Variants in BCL2 observed in about 807,000 individuals in gnomAD.
The protein encoded by BCL2 is apoptosis regulator Bcl-2.
BCL2 carries 1 observed loss-of-function variant against 14.2 expected under a neutral mutation model. That is an observed-to-expected ratio of 0.07 (90% CI 0.02 to 0.33). The LOEUF (loss-of-function observed/expected upper bound fraction) is 0.33. BCL2 is among the 10% of genes least tolerant of loss of function. The pLI is 0.99. For synonymous variants in BCL2, 151 were observed against 137.2 expected, an observed-to-expected ratio of 1.10 and a Z score of -0.70; for missense variants, 247 against 305.9, an observed-to-expected ratio of 0.81 and a Z score of 1.44.
chr18:63,247,167 C>A (rs191606048), intron 2 of BCL2, among the ~76,000 whole-genome samples: 5 of 151,434 alleles, frequency 3.3e-5, no homozygotes, highest in Non-Finnish European at 5.9e-5. Context: ...CACATACACA[C>A]GCACATTTTC....
intron 2 of BCL2, among the ~76,000 whole-genome samples, chr18:63,216,932 C>T (rs117328707): frequency 0.022 from 3,343 of 152,288 alleles, 112 homozygotes; most frequent in Admixed American, 0.089. Context: ...ATTCTGAGAA[C>T]TGCCTTTTGT....
chr18:63,302,449 C>A, intron 2 of BCL2: 1 of 985,338 alleles, frequency 1.0e-6, no homozygotes, highest in Non-Finnish European at 1.2e-6. Flanking sequence ...TGTCCCTCTG[C>A]CCGAATAATA....
intron 2 of BCL2, among the ~76,000 whole-genome samples, chr18:63,194,338 C>CTT (rs147419261): frequency 6.9e-4 from 99 of 143,992 alleles, no homozygotes; most frequent in Admixed American, 1.9e-3. Context: ...AAACTTTTTT[C>CTT]TTTTTTTTTT....
At chr18:63,280,825 C>T (rs1912289447) in intron 2 of BCL2, among the ~76,000 whole-genome samples, 1 of 152,164 alleles carries the variant, frequency 6.6e-6, no homozygotes, top group Admixed American at 6.5e-5. Flanking sequence ...AGAAATGCCA[C>T]TTCTGGAAGT....
In BCL2 at chr18:63,194,329, A is replaced by C. The variant is rs1451570471; in HGVS notation, c.586-65570T>G. Among the ~76,000 whole-genome samples, 4 of 140,034 alleles carry C rather than the reference A, an allele frequency of 2.9e-5. No homozygotes were observed. The South Asian group carries it at 6.9e-4, about 24-fold the overall frequency. The allele number at this position is 140,034 out of a possible 152,430, so 91.9% of individuals were successfully genotyped here. ...TTTTAATGGAAGAGATACATTTTTA[A>C]ACTTTTTTCTTTTTTTTTTTTTGAG... On this transcript the variant is annotated intron_variant, in intron 2 of 2. Transcript: ENST00000333681.
At chr18:63,201,956 AC>A (rs1909707952) in intron 2 of BCL2, among the ~76,000 whole-genome samples, 1 of 152,116 alleles carries the variant, frequency 6.6e-6, no homozygotes, top group African/African-American at 2.4e-5. Flanking sequence ...CTGCACATGT[AC>A]CCCAGAAATT....
At chr18:63,165,592 G>A (rs1193382265) in intron 2 of BCL2, among the ~76,000 whole-genome samples, 1 of 152,212 alleles carries the variant, frequency 6.6e-6, no homozygotes, top group African/African-American at 2.4e-5. Flanking sequence ...ACCTCTCTCA[G>A]GCTAAATGGC....
chr18:63,249,665 G>C (rs917411704), intron 2 of BCL2, among the ~76,000 whole-genome samples: 1 of 132,790 alleles, frequency 7.5e-6, no homozygotes, highest in African/African-American at 2.9e-5. Context: ...AGCTGAGATT[G>C]CACCACTGCA....
intron 2 of BCL2, among the ~76,000 whole-genome samples, chr18:63,193,660 A>G (rs947827083): frequency 6.6e-6 from 1 of 151,682 alleles, no homozygotes; most frequent in Admixed American, 6.6e-5. Context: ...ATACACATAC[A>G]TATATATACA....
At chr18:63,300,087 A>T (rs1290315793) in intron 2 of BCL2, among the ~76,000 whole-genome samples, 1 of 152,250 alleles carries the variant, frequency 6.6e-6, no homozygotes, top group African/African-American at 2.4e-5. Flanking sequence ...GAGGCTGCAA[A>T]GCAGCTCCTC....
intron 2 of BCL2, among the ~76,000 whole-genome samples, chr18:63,240,682 C>T (rs900728935): frequency 6.6e-6 from 1 of 152,218 alleles, no homozygotes. Flanking sequence ...TTTCCCAATT[C>T]CCTGCCTTTG....
intron 2 of BCL2, among the ~76,000 whole-genome samples, chr18:63,137,580 C>T (rs1914241238): frequency 6.6e-6 from 1 of 152,004 alleles, no homozygotes. Flanking sequence ...TCAGCAGCAG[C>T]CTCTAGTGTC....
rs1913828936 is a variant in BCL2 at position 63,123,515 on chromosome 18, T to A, written c.*5110A>T. On this transcript the variant is annotated 3_prime_UTR_variant, in exon 3 of 3. Coordinates refer to ENST00000333681, the MANE Select transcript of BCL2 (RefSeq NM_000633.3). The stretch of plus-strand genomic sequence containing the variant: ...AACCATGTAAAGTATCCTTACCGTA[T>A]TTTTTATGTGTACAGTGTTGCAGAA... 1 of 207,070 alleles carries A rather than the reference T, an allele frequency of 4.8e-6. No individual in the cohort carries two copies. The highest frequency in any genetic ancestry group is 9.9e-6 in the Non-Finnish European group (1 of 101,508). 12.8% of individuals were successfully genotyped at this position (207,070 alleles called of 1,614,324 possible).
At chr18:63,289,192 G>C (rs1912564482) in intron 2 of BCL2, among the ~76,000 whole-genome samples, 1 of 151,928 alleles carries the variant, frequency 6.6e-6, no homozygotes, top group Admixed American at 6.6e-5. Flanking sequence ...TAACCTGGAA[G>C]AGGAAGAAGG....
At chr18:63,246,131 G>A (rs1911145635) in intron 2 of BCL2, among the ~76,000 whole-genome samples, 1 of 152,228 alleles carries the variant, frequency 6.6e-6, no homozygotes, top group Non-Finnish European at 1.5e-5. Flanking sequence ...TCTTTCAGCT[G>A]TTTTGTGGAT....
At chr18:63,301,321 T>C (rs1385279463) in intron 2 of BCL2, among the ~76,000 whole-genome samples, 2 of 151,672 alleles carry the variant, frequency 1.3e-5, no homozygotes, top group Non-Finnish European at 2.9e-5. Flanking sequence ...ATAATAATGG[T>C]TTATGTAACA....
At chr18:63,207,335 G>C (rs1391587010) in intron 2 of BCL2, among the ~76,000 whole-genome samples, 1 of 152,224 alleles carries the variant, frequency 6.6e-6, no homozygotes, top group African/African-American at 2.4e-5. Flanking sequence ...GTCAGTAAGT[G>C]CTATATAAAT....
chr18:63,146,923 G>T (rs1213111016), intron 2 of BCL2, among the ~76,000 whole-genome samples: 2 of 152,112 alleles, frequency 1.3e-5, no homozygotes. Flanking sequence ...CTTTAAATGC[G>T]AAAAAAATAA....
At chr18:63,244,262 C>T (rs1379457562) in intron 2 of BCL2, among the ~76,000 whole-genome samples, 1 of 152,162 alleles carries the variant, frequency 6.6e-6, no homozygotes, top group Non-Finnish European at 1.5e-5. Flanking sequence ...CCTGTAATCC[C>T]AGCTACTCGG....
Sources: allele counts gnomAD v4.1 joint callset (sites outside exome capture counted in the v4.1 genomes callset), GRCh38; gene constraint gnomAD v4.1.1; transcripts MANE v1.5; gene names NCBI Gene and HGNC (gene_info 2026-07-23, HGNC 2026-07-21).